Variants in CACNA1C observed in about 807,000 individuals in gnomAD.
The protein encoded by CACNA1C is calcium voltage-gated channel subunit alpha1 C.
CACNA1C carries 30 observed loss-of-function variants against 229.0 expected under a neutral mutation model. The observed-to-expected ratio is 0.13, with a 90% CI of 0.10 to 0.18. The LOEUF (loss-of-function observed/expected upper bound fraction) is 0.18, where lower values mean the gene tolerates loss of function less well. CACNA1C is among the 10% of genes least tolerant of loss of function. The probability of loss-of-function intolerance (pLI) is 1.00; values close to 1 mark genes in which losing one functional copy is unlikely to be tolerated. For synonymous variants in CACNA1C, 1,114 were observed against 1,132.5 expected (o/e 0.98, Z 0.33); for missense variants, 1,658 against 2,845.0 (o/e 0.58, Z 9.49).
At chr12:2,176,566 G>C (rs965549480) in intron 3 of CACNA1C, among the ~76,000 whole-genome samples, 1 of 149,184 alleles carries the variant, frequency 6.7e-6, no homozygotes, top group Non-Finnish European at 1.5e-5. Flanking sequence ...GGCCTATTGG[G>C]GGGGTTGGAG....
intron 3 of CACNA1C, among the ~76,000 whole-genome samples, chr12:2,362,285 G>A (rs2097577827): frequency 6.6e-6 from 1 of 152,136 alleles, no homozygotes; most frequent in African/African-American, 2.4e-5. Context: ...CCTTCATGCT[G>A]TGATGCAGGC....
intron 1 of CACNA1C, among the ~76,000 whole-genome samples, chr12:2,047,608 T>A (rs1339092537): frequency 1.3e-5 from 2 of 152,176 alleles, no homozygotes; most frequent in African/African-American, 4.8e-5. Context: ...AACATATATA[T>A]TGAGGGCAAC....
intron 1 of CACNA1C, among the ~76,000 whole-genome samples, chr12:2,106,379 C>T (rs1319517907): frequency 1.5e-5 from 1 of 66,934 alleles, no homozygotes; most frequent in Non-Finnish European, 3.5e-5. Flanking sequence ...GGGCGCCCAC[C>T]CCGGGGAGGG....
rs550914569 is a variant in CACNA1C at position 2,457,721 on chromosome 12, T to A, written c.757+15T>A. ...CGGAGTCCCAAGTAAGTGAAGCCCG[T>A]TCTTGTGTACAGTGTTATCTCCTCA... On this transcript the variant is annotated intron_variant, in intron 5 of 46. Transcript: ENST00000399655. The A allele has an allele frequency of 6.4e-7, 1 of 1,571,632 alleles. No homozygotes were observed. Among genetic ancestry groups the A allele is most frequent in the African/African-American group, 1.4e-5 (1 of 73,450 alleles).
At chr12:2,343,529 T>C (rs1331894640) in intron 3 of CACNA1C, among the ~76,000 whole-genome samples, 2 of 152,146 alleles carry the variant, frequency 1.3e-5, no homozygotes, top group East Asian at 1.9e-4. Context: ...AGCATACTTA[T>C]ACTGAAAAAA....
chr12:2,130,453 CT>C (rs2091952906), intron 3 of CACNA1C, among the ~76,000 whole-genome samples: 1 of 105,128 alleles, frequency 9.5e-6, no homozygotes, highest in African/African-American at 3.6e-5. Flanking sequence ...TCCCTCCCCC[CT>C]CCCCCCACCC....
intron 1 of CACNA1C, among the ~76,000 whole-genome samples, chr12:2,062,496 C>G (rs57974206): frequency 0.015 from 2,218 of 152,316 alleles, 47 homozygotes; most frequent in African/African-American, 0.049. Context: ...CCCACTATCT[C>G]TCTATCCTGG....
At chr12:2,661,784 A>C (rs2095753098) in intron 34 of CACNA1C, among the ~76,000 whole-genome samples, 1 of 152,252 alleles carries the variant, frequency 6.6e-6, no homozygotes, top group Admixed American at 6.5e-5. Context: ...AATTAACTAA[A>C]AACCCTTTAG....
chr12:2,437,973 GATA>G (rs1444325404), intron 3 of CACNA1C, among the ~76,000 whole-genome samples: 6 of 150,900 alleles, frequency 4.0e-5, no homozygotes, highest in African/African-American at 1.5e-4. Context: ...GGATGGTGGT[GATA>G]ATGATGGTGA....
At chr12:2,085,296 C>T (rs1306540969) in intron 1 of CACNA1C, among the ~76,000 whole-genome samples, 1 of 152,184 alleles carries the variant, frequency 6.6e-6, no homozygotes, top group African/African-American at 2.4e-5. Flanking sequence ...CAACCTTTTC[C>T]ATTATTGAAC....
At chr12:2,277,032 G>T (rs541760927) in intron 3 of CACNA1C, among the ~76,000 whole-genome samples, 1 of 152,258 alleles carries the variant, frequency 6.6e-6, no homozygotes, top group African/African-American at 2.4e-5. Context: ...CAAAAAAGAT[G>T]ATGGCATTGA....
At chr12:2,555,784 C>T (rs1365557264) in intron 10 of CACNA1C, among the ~76,000 whole-genome samples, 1 of 152,178 alleles carries the variant, frequency 6.6e-6, no homozygotes, top group East Asian at 1.9e-4. Context: ...GGCTTTGCCA[C>T]CTGTCACATC....
chr12:2,416,752 T>C (rs1305972785), intron 3 of CACNA1C, among the ~76,000 whole-genome samples: 4 of 152,202 alleles, frequency 2.6e-5, no homozygotes, highest in Admixed American at 1.3e-4. Context: ...ACACTGACTG[T>C]GGAAGTCATT....
At chr12:1,984,283 G>A (rs1004342293) in intron 1 of CACNA1C, among the ~76,000 whole-genome samples, 1 of 151,786 alleles carries the variant, frequency 6.6e-6, no homozygotes, top group Non-Finnish European at 1.5e-5. Flanking sequence ...TTTGTTTAAT[G>A]TTTGTCATGT....
chr12:2,281,188 G>A (rs1266544762), intron 3 of CACNA1C, among the ~76,000 whole-genome samples: 1 of 142,936 alleles, frequency 7.0e-6, no homozygotes, highest in Non-Finnish European at 1.5e-5. Context: ...ATATAGTACG[G>A]GAACTTCACA....
intron 3 of CACNA1C, among the ~76,000 whole-genome samples, chr12:2,211,955 AG>A (rs1328841010): frequency 1.3e-5 from 2 of 151,896 alleles, no homozygotes; most frequent in African/African-American, 4.8e-5. Flanking sequence ...TCCTGACCTC[AG>A]GTGATCCACC....
chr12:2,679,506 C>T lies in CACNA1C; in HGVS notation c.5154C>T (p.Phe1718=). 2 of 1,610,172 alleles carry T rather than the reference C, an allele frequency of 1.2e-6. No individual in the cohort carries two copies. The highest frequency in any genetic ancestry group is 1.3e-5 in the African/African-American group (1 of 74,962). The change falls in exon 42 of 47, where the codon TTC becomes TTT. Residue 1718 remains phenylalanine, a synonymous_variant. Coordinates refer to ENST00000399655, the MANE Select transcript of CACNA1C (RefSeq NM_000719.7). This position sits in a 1 kb window ranked among gnomAD's most constrained non-coding sequence, Gnocchi z 5.5. The part of the protein sequence containing the change: ...SYYQSDGRSA[F]PQTFTTQRPL... ...ACCAAAGCGACGGCCGGAGCGCCTT[C>T]CCCCAGACCTTCACCACTCAGCGCC...
intron 11 of CACNA1C, among the ~76,000 whole-genome samples, chr12:2,557,353 A>G (rs2044975317): frequency 6.6e-6 from 1 of 152,174 alleles, no homozygotes; most frequent in Non-Finnish European, 1.5e-5. Context: ...GTAACCTTTG[A>G]TGATGATGGA....
At chr12:1,983,795 A>G (rs955385647) in intron 1 of CACNA1C, among the ~76,000 whole-genome samples, 2 of 151,662 alleles carry the variant, frequency 1.3e-5, no homozygotes, top group African/African-American at 4.8e-5. Flanking sequence ...CTCTTGCTCT[A>G]TTGATTGTAG....
Sources: allele counts gnomAD v4.1 joint callset (sites outside exome capture counted in the v4.1 genomes callset), GRCh38; gene constraint gnomAD v4.1.1; non-coding constraint Gnocchi (gnomAD v3.1); transcripts MANE v1.5; gene names NCBI Gene and HGNC (gene_info 2026-07-23, HGNC 2026-07-21).